GALNTL6: variants seen among roughly 807,000 people sequenced by gnomAD.
GALNTL6 encodes the protein polypeptide N-acetylgalactosaminyltransferase-like 6.
A neutral mutation model predicts 73.7 loss-of-function variants in GALNTL6; 46 were observed. The observed-to-expected ratio is 0.62, with a 90% confidence interval of 0.49 to 0.80. The LOEUF (loss-of-function observed/expected upper bound fraction) is 0.80, where lower values mean the gene tolerates loss of function less well. GALNTL6 is among the 30% of genes least tolerant of loss of function. The pLI is 0.00. For missense variants in GALNTL6, 604 were observed against 755.0 expected, an observed-to-expected ratio of 0.80 and a Z score of 2.34; for synonymous variants, 259 against 263.7, an observed-to-expected ratio of 0.98 and a Z score of 0.17.
chr4:172,364,122 G>T (rs1742472461), intron 5 of GALNTL6, among the ~76,000 whole-genome samples: 1 of 152,154 alleles, frequency 6.6e-6, no homozygotes, highest in African/African-American at 2.4e-5. Context: ...GACCTTGATA[G>T]ATTTAGTAAA....
chr4:172,686,537 C>T (rs1402773728), intron 5 of GALNTL6, among the ~76,000 whole-genome samples: 1 of 152,118 alleles, frequency 6.6e-6, no homozygotes, highest in African/African-American at 2.4e-5. Context: ...TGATTCTATT[C>T]ATAAAACAGT....
intron 5 of GALNTL6, among the ~76,000 whole-genome samples, chr4:172,595,373 TC>T (rs893734436): frequency 6.6e-6 from 1 of 152,198 alleles, no homozygotes; most frequent in African/African-American, 2.4e-5. Context: ...ATCTTCTTCT[TC>T]TAACTCCAAT....
intron 2 of GALNTL6, among the ~76,000 whole-genome samples, chr4:171,841,760 C>G (rs899716346): frequency 6.6e-6 from 1 of 151,776 alleles, no homozygotes; most frequent in South Asian, 2.1e-4. Flanking sequence ...CAGAAAAAAA[C>G]CTTCTATGCA....
chr4:172,585,898 A>G (rs1213647556), intron 5 of GALNTL6, among the ~76,000 whole-genome samples: 1 of 152,332 alleles, frequency 6.6e-6, no homozygotes, highest in Non-Finnish European at 1.5e-5. Context: ...ACCAACAAAC[A>G]TATGAAAAAA....
At chr4:171,877,864 T>C (rs1306069664) in intron 2 of GALNTL6, among the ~76,000 whole-genome samples, 1 of 152,198 alleles carries the variant, frequency 6.6e-6, no homozygotes, top group African/African-American at 2.4e-5. Context: ...GAAAATGCAC[T>C]AATAAAATGA....
At chr4:171,887,829 C>T (rs913304791) in intron 2 of GALNTL6, among the ~76,000 whole-genome samples, 2 of 152,040 alleles carry the variant, frequency 1.3e-5, no homozygotes, top group African/African-American at 4.8e-5. Flanking sequence ...CTTGTTCTTC[C>T]TCCCACTAGG....
intron 7 of GALNTL6, among the ~76,000 whole-genome samples, chr4:172,840,791 A>G (rs978847629): frequency 2.0e-5 from 3 of 152,116 alleles, no homozygotes; most frequent in African/African-American, 7.2e-5. Context: ...CTGTCCTTCA[A>G]TCAGGACTTG....
At position 172,755,946 on chromosome 4, in the gene GALNTL6, C is replaced by A. The variant is rs541715495; in HGVS notation, c.554-53415C>A. Among the ~76,000 whole-genome samples the A allele has an allele frequency of 1.3e-3, 202 of 152,240 alleles. 1 individual carries two copies. Among genetic ancestry groups the A allele is most frequent in the African/African-American group, 4.6e-3 (193 of 41,544 alleles). ...AAGTATTAAATGATGAGAGATACAG[C>A]ATATAGAAGTCTCCCTTCATTTGGT... On this transcript the variant is annotated intron_variant, in intron 5 of 12. Transcript: ENST00000506823.
At chr4:172,046,297 T>G (rs1401358019) in intron 2 of GALNTL6, among the ~76,000 whole-genome samples, 1 of 152,054 alleles carries the variant, frequency 6.6e-6, no homozygotes, top group Non-Finnish European at 1.5e-5. Flanking sequence ...CATATGGTAA[T>G]TCAAATTTTA....
chr4:172,719,731 T>C (rs6553643), intron 5 of GALNTL6, among the ~76,000 whole-genome samples: 146,248 of 152,060 alleles, frequency 0.96, 70,586 homozygotes, highest in East Asian at 1. Context: ...TCTTGGGTCA[T>C]GTGCAAGAAA....
intron 7 of GALNTL6, among the ~76,000 whole-genome samples, chr4:172,867,383 T>C (rs1357195473): frequency 6.6e-6 from 1 of 152,160 alleles, no homozygotes; most frequent in Non-Finnish European, 1.5e-5. Flanking sequence ...AGGTGGGACA[T>C]CTGAAGACAG....
intron 3 of GALNTL6, among the ~76,000 whole-genome samples, chr4:172,285,886 A>G (rs1579333492): frequency 1.3e-5 from 2 of 152,338 alleles, no homozygotes; most frequent in East Asian, 3.9e-4. Flanking sequence ...CATTGCCTTT[A>G]ACATTTGTCA....
chr4:172,450,557 C>T (rs539306679), intron 5 of GALNTL6, among the ~76,000 whole-genome samples: 1 of 152,336 alleles, frequency 6.6e-6, no homozygotes, highest in African/African-American at 2.4e-5. Flanking sequence ...CATACACCAG[C>T]ATATGTCACC....
chr4:172,916,464 TTTGCAGATGACATGA>T (rs1212936960), intron 8 of GALNTL6, among the ~76,000 whole-genome samples: 9 of 152,172 alleles, frequency 5.9e-5, no homozygotes, highest in Non-Finnish European at 1.3e-4. Flanking sequence ...ATTGTCTCTG[TTTGCAGATGACATGA>T]TTGTATATTT....
At chr4:172,680,227 T>C (rs1364384317) in intron 5 of GALNTL6, among the ~76,000 whole-genome samples, 2 of 152,204 alleles carry the variant, frequency 1.3e-5, no homozygotes, top group Non-Finnish European at 2.9e-5. Context: ...TTACATTGTG[T>C]AGTTTTTTTA....
chr4:171,844,578 C>G (rs1248933748), intron 2 of GALNTL6, among the ~76,000 whole-genome samples: 1 of 152,084 alleles, frequency 6.6e-6, no homozygotes, highest in Non-Finnish European at 1.5e-5. Flanking sequence ...CTAATATTAT[C>G]AGACAGTTCG....
chr4:172,745,552 T>C (rs943928331), intron 5 of GALNTL6, among the ~76,000 whole-genome samples: 2 of 151,926 alleles, frequency 1.3e-5, no homozygotes, highest in African/African-American at 4.8e-5. Flanking sequence ...TAAACTACTG[T>C]GGCAGGAGTT....
chr4:171,936,376 C>T (rs1331785825), intron 2 of GALNTL6, among the ~76,000 whole-genome samples: 1 of 151,980 alleles, frequency 6.6e-6, no homozygotes, highest in Admixed American at 6.6e-5. Flanking sequence ...TCTGCTTTAG[C>T]TGTTGATCTG....
chr4:172,758,370 A>G (rs1243001638), intron 5 of GALNTL6, among the ~76,000 whole-genome samples: 4 of 152,246 alleles, frequency 2.6e-5, no homozygotes, highest in Non-Finnish European at 5.9e-5. Context: ...CCCTGCCTCT[A>G]CTAAAAACAC....
Sources: allele counts gnomAD v4.1 joint callset (sites outside exome capture counted in the v4.1 genomes callset), GRCh38; gene constraint gnomAD v4.1.1; transcripts MANE v1.5; gene names NCBI Gene and HGNC (gene_info 2026-07-23, HGNC 2026-07-21).